Variants in RBFOX1 observed in about 807,000 individuals in gnomAD.
RBFOX1 encodes RNA binding protein fox-1 homolog 1.
In RBFOX1, 8 loss-of-function variants were observed where a neutral mutation model predicts 57.7. The ratio of observed to expected loss-of-function variants is 0.14; its 90% CI spans 0.08 to 0.25. The LOEUF (loss-of-function observed/expected upper bound fraction) is 0.25. Ranked by LOEUF, RBFOX1 falls within the 10% of genes least tolerant of loss-of-function variation. The pLI is 1.00. For synonymous variants in RBFOX1, 326 were observed against 222.4 expected, an observed-to-expected ratio of 1.47 and a Z score of -4.15; for missense variants, 611 against 548.5, an observed-to-expected ratio of 1.11 and a Z score of -1.14.
In RBFOX1 at chr16:7,188,799, G is replaced by A. The variant is rs905315450; in HGVS notation, c.27+136701G>A. Among the ~76,000 whole-genome samples, 16 of 152,188 alleles carry A rather than the reference G, an allele frequency of 1.1e-4. 1 individual carries two copies. The highest frequency in any genetic ancestry group is 4.4e-5 in the Non-Finnish European group (3 of 68,032). Reference sequence around the variant, plus strand: ...CAAGAGCTGGTATAGGGCATGCTACGAAGGAACCAAAGAATGACATTGAGT... The same window carrying A: ...CAAGAGCTGGTATAGGGCATGCTACAAAGGAACCAAAGAATGACATTGAGT... On this transcript the variant is annotated intron_variant, in intron 4 of 15. Coordinates refer to ENST00000550418, the MANE Select transcript of RBFOX1 (RefSeq NM_018723.4).
intron 1 of RBFOX1, among the ~76,000 whole-genome samples, chr16:6,044,439 G>T (rs887359007): frequency 6.6e-6 from 1 of 150,648 alleles, no homozygotes; most frequent in Non-Finnish European, 1.5e-5. Flanking sequence ...TTCCATATTC[G>T]CAAGATGTGA....
intron 4 of RBFOX1, among the ~76,000 whole-genome samples, chr16:7,106,841 C>A (rs978904105): frequency 6.6e-6 from 1 of 151,828 alleles, no homozygotes. Context: ...CACAAGCAAA[C>A]AAAATAGTAT....
chr16:7,081,639 G>A (rs2059218323), intron 4 of RBFOX1, among the ~76,000 whole-genome samples: 1 of 152,128 alleles, frequency 6.6e-6, no homozygotes, highest in African/African-American at 2.4e-5. Context: ...CTACACCTGT[G>A]TTGTATATCT....
intron 2 of RBFOX1, among the ~76,000 whole-genome samples, chr16:6,554,863 C>G (rs1016154749): frequency 3.4e-5 from 5 of 147,812 alleles, no homozygotes; most frequent in African/African-American, 1.1e-4. Flanking sequence ...CTCTGTCGCT[C>G]TCTCTCTCAC....
intron 10 of RBFOX1, among the ~76,000 whole-genome samples, chr16:7,627,596 A>G (rs1341537357): frequency 6.6e-6 from 1 of 152,198 alleles, no homozygotes; most frequent in Non-Finnish European, 1.5e-5. Flanking sequence ...TTGAAGCTAT[A>G]TTGAGAAGTG....
intron 4 of RBFOX1, among the ~76,000 whole-genome samples, chr16:7,315,702 T>C (rs373281386): frequency 5.3e-5 from 8 of 152,134 alleles, no homozygotes; most frequent in Admixed American, 2.0e-4. Flanking sequence ...ATGGGACATA[T>C]GATACAGCAT....
chr16:6,019,616 C>G lies in RBFOX1; in HGVS notation c.-503C>G. On this transcript the variant is annotated 5_prime_UTR_variant, in exon 1 of 16. Coordinates refer to ENST00000550418, the MANE Select transcript of RBFOX1 (RefSeq NM_018723.4). The surrounding 1 kb of genome is among the most constrained non-coding windows in gnomAD (Gnocchi z 4.2). ...TGAAGAAGGAAGGAGTGAGCCGAGCCGAGCACCCCACATCTGGAGGGGACA... is the reference window on the plus strand; with the variant it reads ...TGAAGAAGGAAGGAGTGAGCCGAGCGGAGCACCCCACATCTGGAGGGGACA... 4.0e-6 allele frequency: 5 copies of G among 1,244,010 alleles called. No individual in the cohort carries two copies. Among genetic ancestry groups the G allele is most frequent in the Non-Finnish European group, 5.0e-6 (5 of 993,338 alleles). The allele number at this position is 1,244,010 out of a possible 1,614,324, so 77.1% of individuals were successfully genotyped here. A position where few individuals can be genotyped will look rare whatever the true frequency, so the allele number is the denominator to read the frequency against.
At chr16:6,927,009 C>T (rs190199666) in intron 3 of RBFOX1, among the ~76,000 whole-genome samples, 1 of 152,132 alleles carries the variant, frequency 6.6e-6, no homozygotes, top group Admixed American at 6.5e-5. Context: ...GCAATTGCTA[C>T]TCAACCAGCG....
At chr16:6,247,603 C>A (rs1449009421) in intron 1 of RBFOX1, among the ~76,000 whole-genome samples, 2 of 152,114 alleles carry the variant, frequency 1.3e-5, no homozygotes, top group African/African-American at 4.8e-5. Context: ...ATTTTATCTG[C>A]AAAACAACCC....
rs560605041 is a variant in RBFOX1 at position 7,528,709 on chromosome 16, G to C, written c.270+10320G>C. Among the ~76,000 whole-genome samples, 6 of 152,212 alleles carry C rather than the reference G, an allele frequency of 3.9e-5. No individual in the cohort carries two copies. In the South Asian group the frequency reaches 8.3e-4, roughly 21 times the overall value. ...TTAATCTATTTTGTGGGCAGTATTT[G>C]GGTCATGCATTAGTCAACAGTCATT... On this transcript the variant is annotated intron_variant, in intron 5 of 15. Coordinates refer to ENST00000550418, the MANE Select transcript of RBFOX1 (RefSeq NM_018723.4).
chr16:7,110,726 A>T (rs1456070196), intron 4 of RBFOX1, among the ~76,000 whole-genome samples: 1 of 152,162 alleles, frequency 6.6e-6, no homozygotes, highest in African/African-American at 2.4e-5. Flanking sequence ...TAGCCTAAAA[A>T]CAAGATTTTT....
At chr16:6,357,779 T>C (rs1180020368) in intron 2 of RBFOX1, among the ~76,000 whole-genome samples, 2 of 151,924 alleles carry the variant, frequency 1.3e-5, no homozygotes, top group African/African-American at 4.8e-5. Context: ...TGAAACACCC[T>C]GTCTCTACTA....
intron 1 of RBFOX1, among the ~76,000 whole-genome samples, chr16:6,075,572 A>G (rs967506796): frequency 1.6e-4 from 25 of 152,222 alleles, no homozygotes; most frequent in Non-Finnish European, 2.6e-4. Flanking sequence ...TACGCCATAG[A>G]ACAAAGATGT....
intron 4 of RBFOX1, among the ~76,000 whole-genome samples, chr16:7,308,648 A>T (rs973435324): frequency 6.6e-6 from 1 of 152,194 alleles, no homozygotes; most frequent in Non-Finnish European, 1.5e-5. Context: ...GCCATTGCTC[A>T]CTGTGGACAT....
chr16:7,634,342 T>G (rs1378109440), intron 11 of RBFOX1, among the ~76,000 whole-genome samples: 1 of 152,184 alleles, frequency 6.6e-6, no homozygotes, highest in Non-Finnish European at 1.5e-5. Flanking sequence ...TTTTTGTTTT[T>G]TTGCGTTTTT....
intron 4 of RBFOX1, among the ~76,000 whole-genome samples, chr16:7,355,766 C>G (rs981120911): frequency 2.6e-5 from 4 of 152,194 alleles, no homozygotes; most frequent in African/African-American, 7.2e-5. Flanking sequence ...TTTCTTGCAT[C>G]TGTGCTCAAA....
At chr16:7,127,575 A>G (rs992307039) in intron 4 of RBFOX1, among the ~76,000 whole-genome samples, 1 of 152,132 alleles carries the variant, frequency 6.6e-6, no homozygotes, top group African/African-American at 2.4e-5. Context: ...GTGTGTGGGG[A>G]ATGTGTACAT....
chr16:5,338,620 T>C (rs1919049), intron 1 of RBFOX1, among the ~76,000 whole-genome samples: 8,436 of 152,284 alleles, frequency 0.055, 809 homozygotes, highest in African/African-American at 0.19. Flanking sequence ...AATTTTAAGG[T>C]TGGAAAAGAT....
intron 4 of RBFOX1, among the ~76,000 whole-genome samples, chr16:7,313,842 G>A (rs2096377110): frequency 6.6e-6 from 1 of 152,080 alleles, no homozygotes; most frequent in East Asian, 1.9e-4. Context: ...CCACGATTCT[G>A]CACCATCCCT....
Sources: gnomAD v4.1 joint callset for allele counts (sites outside exome capture counted in the v4.1 genomes callset) on GRCh38, gnomAD v4.1.1 for gene constraint, Gnocchi (gnomAD v3.1) non-coding constraint, MANE v1.5 for transcripts, NCBI Gene and HGNC (gene_info 2026-07-23, HGNC 2026-07-21) for gene names.